CSRNP3: variants seen among roughly 807,000 people sequenced by gnomAD.
CSRNP3 encodes the protein cysteine/serine-rich nuclear protein 3.
A neutral mutation model predicts 48.0 loss-of-function variants in CSRNP3; 12 were observed. That is an observed-to-expected ratio of 0.25 (90% CI 0.16 to 0.41). CSRNP3 has a LOEUF of 0.41. Among genes scored for constraint, CSRNP3 ranks in the 10% least tolerant of loss-of-function variants. The pLI, the probability that CSRNP3 is intolerant of heterozygous loss-of-function variation, is 1.00. For synonymous variants in CSRNP3, 263 were observed against 269.7 expected (o/e 0.98, Z 0.24); for missense variants, 580 against 724.4 (o/e 0.80, Z 2.29).
At chr2:165,607,093 A>G (rs1376680010) in intron 4 of CSRNP3, among the ~76,000 whole-genome samples, 4 of 152,156 alleles carry the variant, frequency 2.6e-5, no homozygotes, top group East Asian at 3.8e-4. Flanking sequence ...TATGTTTTAT[A>G]TATATACAAT....
chr2:165,626,402 C>T (rs974335609), intron 4 of CSRNP3, among the ~76,000 whole-genome samples: 1 of 152,138 alleles, frequency 6.6e-6, no homozygotes, highest in South Asian at 2.1e-4. Flanking sequence ...GGTCCAAAGG[C>T]TGGATTTAAT....
At chr2:165,593,441 T>C (rs910912807) in intron 3 of CSRNP3, among the ~76,000 whole-genome samples, 1 of 152,186 alleles carries the variant, frequency 6.6e-6, no homozygotes, top group Non-Finnish European at 1.5e-5. Context: ...TTTGTAGATC[T>C]GGGATGGGAG....
At chr2:165,606,877 G>T (rs1027337348) in intron 4 of CSRNP3, among the ~76,000 whole-genome samples, 2 of 151,934 alleles carry the variant, frequency 1.3e-5, no homozygotes, top group Non-Finnish European at 2.9e-5. Context: ...ACATAGGAAG[G>T]GATAATACAC....
rs374517228 is a variant in CSRNP3 at position 165,680,611 on chromosome 2, C to T, written c.*858C>T. The stretch of plus-strand genomic sequence containing the variant: ...TGGACAGCACCTTTAAGCTCTACCC[C>T]CTACATCAAAATGCACTTTAGTGCC... On this transcript the variant is annotated 3_prime_UTR_variant, in exon 7 of 7. Coordinates refer to ENST00000651982, the MANE Select transcript of CSRNP3 (RefSeq NM_001172173.2). 6.6e-6 allele frequency: 1 copy of T among 152,542 alleles called. No homozygotes were observed. Among genetic ancestry groups the T allele is most frequent in the Admixed American group, 6.5e-5 (1 of 15,274 alleles). The allele number at this position is 152,542 out of a possible 1,614,324, so 9.4% of individuals were successfully genotyped here.
intron 4 of CSRNP3, among the ~76,000 whole-genome samples, chr2:165,599,825 T>TA (rs753065617): frequency 5.9e-5 from 9 of 152,094 alleles, no homozygotes; most frequent in Non-Finnish European, 1.2e-4. Context: ...CCTATTTCTT[T>TA]ACTTTTTTTT....
rs1279542909 is a variant in CSRNP3, at chr2:165,683,537, T to C, written c.*3784T>C. 6.6e-6 allele frequency: 1 copy of C among 152,166 alleles called. No individual in the cohort carries two copies. Among genetic ancestry groups the C allele is most frequent in the Non-Finnish European group, 1.5e-5 (1 of 68,002 alleles). The allele number at this position is 152,166 out of a possible 1,614,324, so 9.4% of individuals were successfully genotyped here. A position where few individuals can be genotyped will look rare whatever the true frequency, so the allele number is the denominator to read the frequency against. The stretch of plus-strand genomic sequence containing the variant: ...GGAAAACATACCATGATTTACTTTC[T>C]ATAACTTGCTAATCACTGTTTCTTT... On this transcript the variant is annotated 3_prime_UTR_variant, in exon 7 of 7. Coordinates refer to ENST00000651982, the MANE Select transcript of CSRNP3 (RefSeq NM_001172173.2).
At position 165,659,202 on chromosome 2, in the gene CSRNP3, AGTTAGAAAGCT is replaced by A. The variant is rs543182950; in HGVS notation, c.408+1187_408+1197del. Reference sequence around the variant, plus strand: ...GGGATGGAATATATGAAGTTAGACCAGTTAGAAAGCTGTTACCACAGTCAGGGAGAGAGGTG... The same window carrying A: ...GGGATGGAATATATGAAGTTAGACCAGTTACCACAGTCAGGGAGAGAGGTG... On this transcript the variant is annotated intron_variant, in intron 5 of 6. Coordinates refer to ENST00000651982, the MANE Select transcript of CSRNP3 (RefSeq NM_001172173.2). Among the ~76,000 whole-genome samples the A allele has an allele frequency of 1.8e-3, 270 of 152,300 alleles. 2 individuals are homozygous for A. The highest frequency in any genetic ancestry group is 6.1e-3 in the African/African-American group (255 of 41,556).
intron 3 of CSRNP3, among the ~76,000 whole-genome samples, chr2:165,532,951 C>G (rs1044236141): frequency 3.3e-5 from 5 of 152,050 alleles, no homozygotes; most frequent in African/African-American, 9.7e-5. Flanking sequence ...GAGTGAATTC[C>G]CATTCACAAT....
intron 2 of CSRNP3, among the ~76,000 whole-genome samples, chr2:165,501,554 C>T (rs1445951207): frequency 6.6e-6 from 1 of 152,110 alleles, no homozygotes; most frequent in African/African-American, 2.4e-5. Flanking sequence ...TGGGAGTAAT[C>T]AGAATAGCGA....
chr2:165,669,877 A>C (rs1397712115), intron 5 of CSRNP3, among the ~76,000 whole-genome samples: 1 of 152,170 alleles, frequency 6.6e-6, no homozygotes, highest in Non-Finnish European at 1.5e-5. Context: ...TCCTAACAGT[A>C]CAACATAGAT....
intron 4 of CSRNP3, among the ~76,000 whole-genome samples, chr2:165,602,788 G>T (rs1007732): frequency 0.51 from 77,866 of 152,046 alleles, 20,114 homozygotes; most frequent in African/African-American, 0.56. Flanking sequence ...CTGCTACAAG[G>T]TTCATATCAA....
chr2:165,595,294 A>G, intron 4 of CSRNP3, 81 bp downstream of exon 4: 1 of 1,307,038 alleles, frequency 7.7e-7, no homozygotes, highest in Non-Finnish European at 1.1e-6. Context: ...TTTACCTTTC[A>G]TGCTAGCTAT....
intron 5 of CSRNP3, 67 bp from the exon 6 acceptor site, chr2:165,676,245 A>C: frequency 8.6e-7 from 1 of 1,160,970 alleles, no homozygotes; most frequent in African/African-American, 1.5e-5. Flanking sequence ...ATTCTCACCC[A>C]GTACAAACAT....
intron 3 of CSRNP3, among the ~76,000 whole-genome samples, chr2:165,548,070 G>C (rs181583056): frequency 6.6e-6 from 1 of 152,196 alleles, no homozygotes; most frequent in Admixed American, 6.5e-5. Flanking sequence ...AAATGCAAAA[G>C]TCTCTGCTCC....
intron 3 of CSRNP3, chr2:165,574,118 C>T: frequency 2.1e-6 from 1 of 487,350 alleles, no homozygotes; most frequent in Non-Finnish European, 3.6e-6. Flanking sequence ...TTCCTGCTCT[C>T]CCGTGATTCA....
At chr2:165,604,421 G>A (rs1685975721) in intron 4 of CSRNP3, among the ~76,000 whole-genome samples, 1 of 152,176 alleles carries the variant, frequency 6.6e-6, no homozygotes, top group Non-Finnish European at 1.5e-5. Flanking sequence ...GCATTTATTA[G>A]AAGACTTCAC....
chr2:165,676,706 A>T (rs1687432081), intron 6 of CSRNP3, 98 bp downstream of exon 6: 2 of 1,142,362 alleles, frequency 1.8e-6, no homozygotes, highest in Admixed American at 4.9e-5. Flanking sequence ...CCCACATGTA[A>T]AAGAAAATTT....
intron 3 of CSRNP3, among the ~76,000 whole-genome samples, chr2:165,522,534 GAA>G (rs910815282): frequency 6.6e-6 from 1 of 151,940 alleles, no homozygotes; most frequent in African/African-American, 2.4e-5. Context: ...GAAGTGAAAG[GAA>G]AAGAGTTTAT....
chr2:165,560,376 G>A (rs939906714), intron 3 of CSRNP3, among the ~76,000 whole-genome samples: 3 of 152,208 alleles, frequency 2.0e-5, no homozygotes, highest in Admixed American at 2.0e-4. Context: ...TGTGTAGGAA[G>A]AGAATTGATT....
Sources: gnomAD v4.1 joint callset for allele counts (sites outside exome capture counted in the v4.1 genomes callset) on GRCh38, gnomAD v4.1.1 for gene constraint, MANE v1.5 for transcripts, NCBI Gene and HGNC (gene_info 2026-07-23, HGNC 2026-07-21) for gene names.